The following ATP1B3 variants were observed in gnomAD, a reference collection of about 807,000 sequenced individuals.
ATP1B3 encodes the protein sodium/potassium-transporting ATPase subunit beta-3.
In ATP1B3, 10 loss-of-function variants were observed where a neutral mutation model predicts 30.2. The ratio of observed to expected loss-of-function variants is 0.33; its 90% CI spans 0.20 to 0.56. The LOEUF is 0.56. Ranked by LOEUF, ATP1B3 falls within the 20% of genes least tolerant of loss-of-function variation. The pLI is 0.90. For missense variants in ATP1B3, 238 were observed against 336.7 expected, an observed-to-expected ratio of 0.71 and a Z score of 2.29; for synonymous variants, 113 against 117.0, an observed-to-expected ratio of 0.97 and a Z score of 0.22.
intron 3 of ATP1B3, among the ~76,000 whole-genome samples, chr3:141,908,964 C>T (rs1934309357): frequency 6.6e-6 from 1 of 152,180 alleles, no homozygotes; most frequent in Non-Finnish European, 1.5e-5. Flanking sequence ...TGTGTCACTC[C>T]TGCTTTGGAT....
At chr3:141,877,034 A>C in intron 1 of ATP1B3, 124 bp downstream of exon 1, 2 of 633,212 alleles carry the variant, frequency 3.2e-6, no homozygotes, top group African/African-American at 4.0e-5. Flanking sequence ...GCCCGACCCT[A>C]ACCCGGGCGG....
intron 3 of ATP1B3, among the ~76,000 whole-genome samples, chr3:141,911,492 C>CTT (rs60462262): frequency 1.1e-3 from 159 of 140,770 alleles, no homozygotes; most frequent in African/African-American, 4.0e-3. Flanking sequence ...TTATCTTGGT[C>CTT]TTTTTTTTTT....
intron 1 of ATP1B3, among the ~76,000 whole-genome samples, chr3:141,900,501 C>T (rs1434452786): frequency 6.6e-6 from 1 of 152,172 alleles, no homozygotes; most frequent in East Asian, 1.9e-4. Context: ...TGAGCACTTA[C>T]TTTCCTGAGC....
chr3:141,902,466 A>C (rs1358694670), intron 1 of ATP1B3, among the ~76,000 whole-genome samples: 8 of 152,218 alleles, frequency 5.3e-5, no homozygotes. Flanking sequence ...TTATTACAGA[A>C]ATGAATCTTT....
intron 1 of ATP1B3, among the ~76,000 whole-genome samples, chr3:141,891,080 C>T (rs1559866664): frequency 6.6e-6 from 1 of 152,038 alleles, no homozygotes; most frequent in Admixed American, 6.6e-5. Context: ...AATCACTTAT[C>T]CCTATATGTT....
chr3:141,895,068 C>G (rs1304248044), intron 1 of ATP1B3, among the ~76,000 whole-genome samples: 1 of 151,466 alleles, frequency 6.6e-6, no homozygotes. Flanking sequence ...CTGTCACTGA[C>G]TGAAATGTTA....
intron 1 of ATP1B3, among the ~76,000 whole-genome samples, chr3:141,879,915 G>A (rs924498401): frequency 7.0e-6 from 1 of 142,216 alleles, no homozygotes; most frequent in South Asian, 2.2e-4. Flanking sequence ...TTTTATGTAG[G>A]TGGTGGGAGA....
intron 4 of ATP1B3, 77 bp from the exon 5 acceptor site, chr3:141,915,893 G>A: frequency 8.6e-7 from 1 of 1,162,570 alleles, no homozygotes; most frequent in South Asian, 1.5e-5. Context: ...TTCACCCCTT[G>A]TTCCCAGCAA....
chr3:141,877,078 C>G (rs1330225673), intron 1 of ATP1B3, among the ~76,000 whole-genome samples, 168 bp downstream of exon 1: 1 of 151,198 alleles, frequency 6.6e-6, no homozygotes. Context: ...CATTGCTCCC[C>G]GGGCCGGCCG....
At chr3:141,911,440 G>T (rs771277829) in intron 3 of ATP1B3, among the ~76,000 whole-genome samples, 65 of 147,470 alleles carry the variant, frequency 4.4e-4, no homozygotes, top group South Asian at 1.7e-3. Context: ...GTTTTATTTT[G>T]TTCCAATTAT....
At chr3:141,884,874 C>G (rs1240024332) in intron 1 of ATP1B3, among the ~76,000 whole-genome samples, 1 of 152,082 alleles carries the variant, frequency 6.6e-6, no homozygotes, top group Non-Finnish European at 1.5e-5. Context: ...TTCTCTTCTT[C>G]TTTCCTGGCA....
rs2107765521 is a variant in ATP1B3 at position 141,888,301 on chromosome 3, C to T, written c.109+11391C>T. On this transcript the variant is annotated intron_variant, in intron 1 of 6. Coordinates refer to ENST00000286371, the MANE Select transcript of ATP1B3 (RefSeq NM_001679.4). Reference sequence around the variant, plus strand: ...CTCCTTCACCAGTCTCAGAGTGTTTCCTACAGATGACTATCAGGTTTCCTG... The same window carrying T: ...CTCCTTCACCAGTCTCAGAGTGTTTTCTACAGATGACTATCAGGTTTCCTG... Among the ~76,000 whole-genome samples the T allele has an allele frequency of 2.0e-5, 3 of 152,228 alleles. No homozygotes were observed. The Middle Eastern group carries it at 0.01, about 518-fold the overall frequency.
intron 2 of ATP1B3, among the ~76,000 whole-genome samples, chr3:141,904,603 T>G (rs1469201978): frequency 6.6e-6 from 1 of 151,960 alleles, no homozygotes; most frequent in Non-Finnish European, 1.5e-5. Flanking sequence ...TTGATTTTCT[T>G]CTGGAAAAAA....
At chr3:141,887,013 A>C (rs1004086162) in intron 1 of ATP1B3, among the ~76,000 whole-genome samples, 1 of 152,226 alleles carries the variant, frequency 6.6e-6, no homozygotes, top group Non-Finnish European at 1.5e-5. Flanking sequence ...AAAAAAAAGA[A>C]AAAAGACATT....
At chr3:141,903,526 T>C in intron 1 of ATP1B3, 94 bp from the exon 2 acceptor site, 1 of 1,553,976 alleles carries the variant, frequency 6.4e-7, no homozygotes, top group East Asian at 2.3e-5. Flanking sequence ...ATCGTACCCT[T>C]GCAAGAACAG....
intron 1 of ATP1B3, among the ~76,000 whole-genome samples, chr3:141,892,651 C>CAAAAAAAA (rs386398103): frequency 2.9e-5 from 2 of 70,014 alleles, no homozygotes; most frequent in Non-Finnish European, 5.1e-5. Context: ...GAGACTGTCT[C>CAAAAAAAA]AAAAAAAAAA....
intron 1 of ATP1B3, among the ~76,000 whole-genome samples, chr3:141,888,538 A>G (rs1024966225): frequency 3.3e-5 from 5 of 152,142 alleles, no homozygotes; most frequent in Middle Eastern, 3.4e-3. Context: ...GTATTCGTCT[A>G]TTTTCACACT....
intron 2 of ATP1B3, among the ~76,000 whole-genome samples, chr3:141,904,450 G>C (rs945072522): frequency 2.6e-5 from 4 of 151,790 alleles, no homozygotes; most frequent in African/African-American, 9.7e-5. Context: ...TATATATTTT[G>C]GCACTAGCTT....
chr3:141,897,800 C>A (rs1934095922), intron 1 of ATP1B3, among the ~76,000 whole-genome samples: 1 of 152,176 alleles, frequency 6.6e-6, no homozygotes, highest in Admixed American at 6.5e-5. Flanking sequence ...ACCTCTGCCT[C>A]CTAGGCTGAA....
Sources: allele counts gnomAD v4.1 joint callset (sites outside exome capture counted in the v4.1 genomes callset), GRCh38; gene constraint gnomAD v4.1.1; transcripts MANE v1.5; gene names NCBI Gene and HGNC (gene_info 2026-07-23, HGNC 2026-07-21).